CPNE5: variants seen among roughly 807,000 people sequenced by gnomAD.
The protein encoded by CPNE5 is copine-5.
A neutral mutation model predicts 81.1 loss-of-function variants in CPNE5; 42 were observed. The observed-to-expected ratio is 0.52, with a 90% CI of 0.40 to 0.67. CPNE5 has a LOEUF of 0.67. CPNE5 is among the 30% of genes least tolerant of loss of function. The pLI, the probability that CPNE5 is intolerant of heterozygous loss-of-function variation, is 0.00. For synonymous variants in CPNE5, 313 were observed against 321.5 expected (o/e 0.97, Z 0.28); for missense variants, 612 against 815.5 (o/e 0.75, Z 3.04).
At chr6:36,756,051 T>G (rs1765418749) in intron 13 of CPNE5, 194 bp downstream of exon 13, 5 of 582,976 alleles carry the variant, frequency 8.6e-6, no homozygotes, top group African/African-American at 7.7e-5. Flanking sequence ...GCCTGTTGTG[T>G]GGTCTGCAAG....
At chr6:36,763,613 A>G (rs928136835) in intron 11 of CPNE5, among the ~76,000 whole-genome samples, 1 of 152,046 alleles carries the variant, frequency 6.6e-6, no homozygotes, top group African/African-American at 2.4e-5. Flanking sequence ...AAAAAAAAAA[A>G]AAAAAAAAGA....
rs1328468955 is a variant in CPNE5 at position 36,740,778 on chromosome 6, A to G, written c.*1490T>C. 1 of 152,592 alleles carries G rather than the reference A, an allele frequency of 6.6e-6. No homozygotes were observed. The highest frequency in any genetic ancestry group is 1.9e-4 in the East Asian group (1 of 5,204). 9.5% of individuals were successfully genotyped at this position (152,592 alleles called of 1,614,324 possible). ...AGAAGAAAGAAAAACTTCGTGCTTT[A>G]CTAAAAGAACCAAATTTACTTCAGT... On this transcript the variant is annotated 3_prime_UTR_variant, in exon 21 of 21. Transcript: ENST00000244751.
chr6:36,806,086 A>T (rs1261608935), intron 3 of CPNE5, among the ~76,000 whole-genome samples: 1 of 152,190 alleles, frequency 6.6e-6, no homozygotes, highest in Non-Finnish European at 1.5e-5. Context: ...CCCACATCCA[A>T]CTATTGGGCC....
At position 36,744,269 on chromosome 6, in the gene CPNE5, G is replaced by T. The variant is rs377584147; in HGVS notation, c.1488C>A (p.Asp496Glu). 3.4e-5 allele frequency: 54 copies of T among 1,577,504 alleles called. No homozygotes were observed. The highest frequency in any genetic ancestry group is 5.7e-5 in the Admixed American group (3 of 52,756). ...IIVGVGQAEF[D>E]AMVELDGDDV... is the part of the protein sequence containing the mutation. Reference sequence around the variant, plus strand: ...GGGGAAGGCAGCAGCTGGACTCACCGTCGAACTCTGCCTGGCCCACGCCGA... The same window carrying T: ...GGGGAAGGCAGCAGCTGGACTCACCTTCGAACTCTGCCTGGCCCACGCCGA... Residue 496 changes from aspartate to glutamate, a missense_variant and splice_region_variant, in exon 19 of 21, where the codon GAC becomes GAA. Coordinates refer to ENST00000244751, the MANE Select transcript of CPNE5 (RefSeq NM_020939.2).
intron 2 of CPNE5, among the ~76,000 whole-genome samples, chr6:36,822,472 G>A (rs1022350467): frequency 2.0e-5 from 3 of 152,158 alleles, no homozygotes; most frequent in Non-Finnish European, 2.9e-5. Context: ...GAGAAGGGTC[G>A]GCACCATTGC....
intron 1 of CPNE5, among the ~76,000 whole-genome samples, chr6:36,834,309 G>A (rs1653455): frequency 0.44 from 29,994 of 68,398 alleles, 5,578 homozygotes; most frequent in East Asian, 0.47. Flanking sequence ...GGGAGGGAGG[G>A]AGGAAGGAAG....
At chr6:36,751,350 T>C (rs888530219) in intron 14 of CPNE5, among the ~76,000 whole-genome samples, 6 of 152,196 alleles carry the variant, frequency 3.9e-5, no homozygotes, top group South Asian at 4.1e-4. Context: ...TTCATTACTA[T>C]AGAATGAAAG....
At chr6:36,743,040 C>T in intron 20 of CPNE5, 1 of 985,458 alleles carries the variant, frequency 1.0e-6, no homozygotes, top group Non-Finnish European at 1.2e-6. Context: ...CCCAGGTTGT[C>T]TTGCTCTGGT....
At chr6:36,815,709 G>A (rs1771482139) in intron 3 of CPNE5, among the ~76,000 whole-genome samples, 1 of 152,374 alleles carries the variant, frequency 6.6e-6, no homozygotes, top group South Asian at 2.1e-4. Context: ...CACATGTCAA[G>A]TTGCCCCGAG....
chr6:36,800,116 G>A, intron 3 of CPNE5, 46 bp from the exon 4 acceptor site: 1 of 1,419,748 alleles, frequency 7.0e-7, no homozygotes. Context: ...GGCTGGTGGG[G>A]CCGGCTGGTG....
chr6:36,749,298 G>C (rs1053565177), intron 14 of CPNE5, among the ~76,000 whole-genome samples: 4 of 152,224 alleles, frequency 2.6e-5, no homozygotes, highest in Non-Finnish European at 5.9e-5. Context: ...AGGTGCTTGG[G>C]GGGAATGAAT....
chr6:36,820,488 C>T (rs1306332083), intron 3 of CPNE5, among the ~76,000 whole-genome samples: 2 of 151,832 alleles, frequency 1.3e-5, no homozygotes, highest in East Asian at 1.9e-4. Context: ...ACTACAGGCA[C>T]GCACCACCAC....
chr6:36,742,857 G>C, intron 20 of CPNE5: 1 of 985,376 alleles, frequency 1.0e-6, no homozygotes, highest in Non-Finnish European at 1.2e-6. Flanking sequence ...CCCCCGACCT[G>C]TCCAGCAGAG....
At chr6:36,761,219 G>A (rs1319871986) in intron 12 of CPNE5, among the ~76,000 whole-genome samples, 4 of 152,224 alleles carry the variant, frequency 2.6e-5, no homozygotes, top group South Asian at 2.1e-4. Context: ...GGGGTGGGGC[G>A]GGGGAGCGGG....
chr6:36,794,680 C>T, intron 6 of CPNE5, 31 bp from the exon 7 acceptor site: 1 of 1,607,146 alleles, frequency 6.2e-7, no homozygotes, highest in Non-Finnish European at 8.5e-7. Flanking sequence ...AGAGAGCATG[C>T]CATGAGCTGA....
At chr6:36,764,766 T>C (rs1766396498) in intron 11 of CPNE5, among the ~76,000 whole-genome samples, 1 of 152,086 alleles carries the variant, frequency 6.6e-6, no homozygotes, top group South Asian at 2.1e-4. Context: ...TCACGCCTCG[T>C]AGCTCTCCCT....
In CPNE5 at chr6:36,781,054, TTTC is replaced by T. The variant is rs1470879746; in HGVS notation, c.529-2100_529-2098del. The stretch of plus-strand genomic sequence containing the variant: ...CCCTGTTTTCTTTAGAATCGGCTGA[TTTC>T]TTCAGACTCTGGGCTTGCCTGGGCA... On this transcript the variant is annotated intron_variant, in intron 8 of 20. Transcript: ENST00000244751. 2.0e-5 allele frequency among the ~76,000 whole-genome samples: 3 copies of T among 152,220 alleles called. No homozygotes were observed. In the East Asian group the frequency reaches 5.8e-4, roughly 29 times the overall value.
chr6:36,804,207 A>G (rs1168032389), intron 3 of CPNE5, among the ~76,000 whole-genome samples: 2 of 152,174 alleles, frequency 1.3e-5, no homozygotes, highest in Non-Finnish European at 2.9e-5. Context: ...ACTGCATCTA[A>G]CTGTGAGGAG....
intron 3 of CPNE5, among the ~76,000 whole-genome samples, chr6:36,811,245 G>C (rs1771076870): frequency 6.6e-6 from 1 of 152,158 alleles, no homozygotes; most frequent in Non-Finnish European, 1.5e-5. Context: ...CATCATGGAG[G>C]GGGCCCTGGG....
Sources: gnomAD v4.1 joint callset for allele counts (sites outside exome capture counted in the v4.1 genomes callset) on GRCh38, gnomAD v4.1.1 for gene constraint, MANE v1.5 for transcripts, NCBI Gene and HGNC (gene_info 2026-07-23, HGNC 2026-07-21) for gene names.